The following DNAH2 variants were observed in gnomAD, a reference collection of about 807,000 sequenced individuals.
DNAH2 encodes axonemal beta dynein heavy chain 2.
In DNAH2, 323 loss-of-function variants were observed where a neutral mutation model predicts 523.5. The ratio of observed to expected loss-of-function variants is 0.62; its 90% confidence interval spans 0.56 to 0.68. The LOEUF is 0.68. DNAH2 is among the 30% of genes least tolerant of loss of function. DNAH2 has a pLI of 0.00. For synonymous variants in DNAH2, 2,093 were observed against 2,177.4 expected, an observed-to-expected ratio of 0.96 and a Z score of 1.08; for missense variants, 4,907 against 5,701.5, an observed-to-expected ratio of 0.86 and a Z score of 4.49.
rs778972306 is a variant in DNAH2 at position 7,831,561 on chromosome 17, T to C, written c.12611+20T>C. 1.2e-6 allele frequency: 2 copies of C among 1,614,104 alleles called. No homozygotes were observed. The highest frequency in any genetic ancestry group is 1.7e-6 in the Non-Finnish European group (2 of 1,179,978). On this transcript the variant is annotated intron_variant, in intron 81 of 85. Coordinates refer to ENST00000572933, the MANE Select transcript of DNAH2 (RefSeq NM_020877.5). This position sits in a 1 kb window ranked among gnomAD's most constrained non-coding sequence, Gnocchi z 4.2. ...CATCCTGTAAGACAGAGGGGGACTC[T>C]GCGGAACAGGGGAGGGTGTGAGGAG...
rs548725916 is a variant in DNAH2 at position 7,746,306 on chromosome 17, C to T, written c.1904+3164C>T. On this transcript the variant is annotated intron_variant, in intron 12 of 85. Coordinates refer to ENST00000572933, the MANE Select transcript of DNAH2 (RefSeq NM_020877.5). ...CTGTCCCCTAGGGGACCCAGTTTCA[C>T]TCTGAAGACAGTCAGTGTTTCAGAT... 9.7e-4 allele frequency among the ~76,000 whole-genome samples: 147 copies of T among 152,304 alleles called. 1 individual carries two copies. In the Middle Eastern group the frequency reaches 0.017, roughly 18 times the overall value.
chr17:7,812,190 A>G (rs902113962), intron 63 of DNAH2, among the ~76,000 whole-genome samples: 1 of 152,264 alleles, frequency 6.6e-6, no homozygotes, highest in Non-Finnish European at 1.5e-5. Flanking sequence ...ATAGATTAAT[A>G]TAAGAGATAC....
chr17:7,832,963 A>G lies in DNAH2; in HGVS notation c.12978+35A>G, dbSNP rs756435914. 1 of 1,614,044 alleles carries G rather than the reference A, an allele frequency of 6.2e-7. No homozygotes were observed. The highest frequency in any genetic ancestry group is 8.5e-7 in the Non-Finnish European group (1 of 1,179,962). ...AGTTGTGCTTGGGGCTCTGAGCAAAAGAGGGTACTGGAAATAATTGGACGA... is the reference window on the plus strand; with the variant it reads ...AGTTGTGCTTGGGGCTCTGAGCAAAGGAGGGTACTGGAAATAATTGGACGA... On this transcript the variant is annotated intron_variant, in intron 84 of 85. Transcript: ENST00000572933. This position sits in a 1 kb window ranked among gnomAD's most constrained non-coding sequence, Gnocchi z 4.3.
intron 63 of DNAH2, among the ~76,000 whole-genome samples, chr17:7,815,132 G>GAATATCTTCTGGAGAGT (rs982342746): frequency 2.0e-5 from 3 of 152,230 alleles, no homozygotes; most frequent in Non-Finnish European, 4.4e-5. Context: ...TTGTTTTAAA[G>GAATATCTTCTGGAGAGT]AATATCTTCT....
chr17:7,742,300 G>A (rs997722925), intron 11 of DNAH2, among the ~76,000 whole-genome samples: 5 of 151,864 alleles, frequency 3.3e-5, no homozygotes, highest in Non-Finnish European at 7.4e-5. Context: ...GTGTGGTGGC[G>A]GGCACCTGTA....
At position 7,786,946 on chromosome 17, in the gene DNAH2, A is replaced by G. The variant is rs1388066577; in HGVS notation, c.6516A>G (p.Thr2172=). 3 of 1,614,222 alleles carry G rather than the reference A, an allele frequency of 1.9e-6. No homozygotes were observed. The highest frequency in any genetic ancestry group is 2.5e-6 in the Non-Finnish European group (3 of 1,180,020). Residue 2172 remains threonine (T), a synonymous_variant, in exon 42 of 86, where the codon ACA becomes ACG. Transcript: ENST00000572933. This position sits in a 1 kb window ranked among gnomAD's most constrained non-coding sequence, Gnocchi z 7.5. The stretch of plus-strand genomic sequence containing the variant: ...TCCTGTTCGATGGCCCCGTGGACAC[A>G]CTGTGGATCGAGAACATGAACTCCG... ...KWILFDGPVD[T]LWIENMNSVM...
chr17:7,801,799 T>A, intron 57 of DNAH2, 79 bp from the exon 58 acceptor site: 1 of 1,608,568 alleles, frequency 6.2e-7, no homozygotes, highest in Non-Finnish European at 8.5e-7. Context: ...CCTCTCTCCT[T>A]CCCGCCTCTC....
rs2076560286 is a variant in DNAH2 at position 7,780,007 on chromosome 17, G to C, written c.5723-150G>C. On this transcript the variant is annotated intron_variant, in intron 36 of 85. Coordinates refer to ENST00000572933, the MANE Select transcript of DNAH2 (RefSeq NM_020877.5). The surrounding 1 kb of genome is among the most constrained non-coding windows in gnomAD (Gnocchi z 4.4). ...AAGTGGACTGGGAAGGGCTGGGGCT[G>C]AGATGAGAAAGGATGTGGTCTTGGA... The C allele has an allele frequency of 9.5e-7, 1 of 1,047,248 alleles. No homozygotes were observed. Among genetic ancestry groups the C allele is most frequent in the Admixed American group, 2.3e-5 (1 of 43,248 alleles). 64.9% of individuals were successfully genotyped at this position (1,047,248 alleles called of 1,614,324 possible).
At chr17:7,771,958 C>G (rs1354095872) in intron 28 of DNAH2, among the ~76,000 whole-genome samples, 1 of 152,144 alleles carries the variant, frequency 6.6e-6, no homozygotes, top group East Asian at 1.9e-4. Flanking sequence ...TCAGGTGATT[C>G]ACCTCCCTCA....
In DNAH2 at chr17:7,830,432, A is replaced by G; in HGVS notation, c.11986A>G (p.Lys3996Glu). Residue 3996 changes from lysine to glutamate, a missense_variant, in exon 78 of 86, where the codon AAA becomes GAA. Physicochemically the swap from Lys to Glu is moderately conservative, Grantham distance 56 (BLOSUM62 1). Transcript: ENST00000572933. ...CFFHSVLLER[K>E]KFLQLGWNII... is the part of the protein sequence containing the mutation. ...CTTCCACTCTGTGTTACTTGAACGC[A>G]AAAAGTTCCTGCAGCTTGGCTGGAA... 1 of 1,614,264 alleles carries G rather than the reference A, an allele frequency of 6.2e-7. No homozygotes were observed. The highest frequency in any genetic ancestry group is 8.5e-7 in the Non-Finnish European group (1 of 1,180,058).
intron 72 of DNAH2, among the ~76,000 whole-genome samples, chr17:7,820,398 G>A (rs1480886573): frequency 6.6e-6 from 1 of 152,120 alleles, no homozygotes; most frequent in Admixed American, 6.5e-5. Context: ...TGTGGCCCAC[G>A]AAAGCCCTCA....
At chr17:7,808,078 T>C (rs1350279567) in intron 63 of DNAH2, among the ~76,000 whole-genome samples, 1 of 152,082 alleles carries the variant, frequency 6.6e-6, no homozygotes, top group Admixed American at 6.6e-5. Flanking sequence ...TCCTGCAAGA[T>C]GCATGCATGA....
intron 64 of DNAH2, 116 bp from the exon 65 acceptor site, chr17:7,817,174 G>T: frequency 7.1e-7 from 1 of 1,403,476 alleles, no homozygotes. Flanking sequence ...GTTTAGGGGA[G>T]GGAAAGATCC....
rs560730133 is a variant in DNAH2, at chr17:7,830,160, C to T, written c.11854-140C>T. On this transcript the variant is annotated intron_variant, in intron 77 of 85. Transcript: ENST00000572933. ...ATGTAGATCTTGGCATGTAGATCAA[C>T]GGCTACATTTCAGCCTCCACTCACC... The T allele has an allele frequency of 1.7e-4, 144 of 823,630 alleles. 1 individual carries two copies. In the South Asian group the frequency reaches 2.2e-3, roughly 13 times the overall value. 51.0% of individuals were successfully genotyped at this position (823,630 alleles called of 1,614,324 possible). A position where few individuals can be genotyped will look rare whatever the true frequency, so the allele number is the denominator to read the frequency against.
At chr17:7,774,495 A>G (rs1225699660) in intron 28 of DNAH2, among the ~76,000 whole-genome samples, 1 of 152,258 alleles carries the variant, frequency 6.6e-6, no homozygotes, top group African/African-American at 2.4e-5. Flanking sequence ...AGGGGGAATT[A>G]CTGTATTAAT....
intron 72 of DNAH2, among the ~76,000 whole-genome samples, chr17:7,820,987 C>T (rs1392626370): frequency 2.0e-5 from 3 of 152,052 alleles, no homozygotes; most frequent in East Asian, 1.9e-4. Flanking sequence ...TGCAGTGTGT[C>T]GAGATCGTAC....
At position 7,797,469 on chromosome 17, in the gene DNAH2, CG is replaced by C. The variant is rs2077098497; in HGVS notation, c.8021del (p.Gly2674AlafsTer24). 5 of 1,614,178 alleles carry C rather than the reference CG, an allele frequency of 3.1e-6. No homozygotes were observed. In the East Asian group the frequency reaches 1.1e-4, roughly 36 times the overall value. ...TCATGGGCATCATAAGCGACAAGCT[CG>C]GCTCCTTCTTTGACCTCACATTTCA... ...AFMGIISDKLGSFFDLTFHHL... is the reference protein window; with the variant it reads ...AFMGIISDKLXSFFDLTFHHL... On this transcript the variant is annotated frameshift_variant, in exon 52 of 86. Coordinates refer to ENST00000572933, the MANE Select transcript of DNAH2 (RefSeq NM_020877.5). LOFTEE classifies it high-confidence loss of function.
chr17:7,830,156 T>G, intron 77 of DNAH2, 144 bp from the exon 78 acceptor site: 2 of 777,484 alleles, frequency 2.6e-6, no homozygotes, highest in East Asian at 2.8e-5. Flanking sequence ...GGCATGTAGA[T>G]CAACGGCTAC....
At chr17:7,801,830 C>A in intron 57 of DNAH2, 48 bp from the exon 58 acceptor site, 1 of 1,613,302 alleles carries the variant, frequency 6.2e-7, no homozygotes, top group Admixed American at 1.7e-5. Flanking sequence ...CAGCCTCTCT[C>A]CCACTTCCGT....
Sources: allele counts gnomAD v4.1 joint callset (sites outside exome capture counted in the v4.1 genomes callset), GRCh38; gene constraint gnomAD v4.1.1; non-coding constraint Gnocchi (gnomAD v3.1); transcripts MANE v1.5; gene names NCBI Gene and HGNC (gene_info 2026-07-23, HGNC 2026-07-21).